Variants in LGR5 observed in about 807,000 individuals in gnomAD.
The protein encoded by LGR5 is leucine-rich repeat-containing G protein-coupled receptor 5.
Under a neutral mutation model 76.7 loss-of-function variants are expected in LGR5, and 54 were observed. That is an observed-to-expected ratio of 0.70 (90% CI 0.57 to 0.88). The LOEUF is 0.88. Among genes scored for constraint, LGR5 ranks in the 40% least tolerant of loss-of-function variants. The pLI, the probability that LGR5 is intolerant of heterozygous loss-of-function variation, is 0.00. For synonymous variants in LGR5, 406 were observed against 421.9 expected (o/e 0.96, Z 0.46); for missense variants, 1,078 against 1,073.3 (o/e 1.00, Z -0.06).
intron 5 of LGR5, among the ~76,000 whole-genome samples, chr12:71,554,136 G>C (rs1276204629): frequency 6.6e-6 from 1 of 152,142 alleles, no homozygotes; most frequent in African/African-American, 2.4e-5. Flanking sequence ...TGGAAGACTA[G>C]AGTTTTATTA....
intron 1 of LGR5, among the ~76,000 whole-genome samples, chr12:71,484,901 C>G (rs999945715): frequency 6.6e-6 from 1 of 152,154 alleles, no homozygotes; most frequent in South Asian, 2.1e-4. Context: ...AGTGTCTCTT[C>G]GAAGTTCCCA....
chr12:71,553,816 C>T (rs891947994), intron 5 of LGR5, among the ~76,000 whole-genome samples: 4 of 152,172 alleles, frequency 2.6e-5, no homozygotes, highest in African/African-American at 9.7e-5. Context: ...ACAAGGCCGG[C>T]ACAGTGGCTC....
chr12:71,546,696 C>T (rs1877185140), intron 4 of LGR5, among the ~76,000 whole-genome samples: 1 of 152,166 alleles, frequency 6.6e-6, no homozygotes, highest in African/African-American at 2.4e-5. Flanking sequence ...GGCCCTCCTA[C>T]ACACTGCTAT....
At chr12:71,467,688 A>G (rs1872921265) in intron 1 of LGR5, among the ~76,000 whole-genome samples, 1 of 152,206 alleles carries the variant, frequency 6.6e-6, no homozygotes. Flanking sequence ...CAGTGGACAA[A>G]CAATGCCGAT....
intron 6 of LGR5, among the ~76,000 whole-genome samples, chr12:71,559,296 C>T (rs917614373): frequency 6.6e-6 from 1 of 152,162 alleles, no homozygotes; most frequent in African/African-American, 2.4e-5. Context: ...GACATCTCTC[C>T]TACTTAGAAG....
chr12:71,495,591 T>C (rs1242391054), intron 1 of LGR5, among the ~76,000 whole-genome samples: 4 of 151,298 alleles, frequency 2.6e-5, no homozygotes, highest in Non-Finnish European at 5.9e-5. Flanking sequence ...CTCATAACAA[T>C]TTTATGAAGT....
At chr12:71,462,298 G>C (rs1181443599) in intron 1 of LGR5, among the ~76,000 whole-genome samples, 1 of 152,058 alleles carries the variant, frequency 6.6e-6, no homozygotes, top group Non-Finnish European at 1.5e-5. Context: ...CTGTCAACTA[G>C]GCCTCTGAAT....
In LGR5 at chr12:71,440,336, G is replaced by A. The variant is rs1411896456; in HGVS notation, c.212+44G>A. 1 of 1,578,530 alleles carries A rather than the reference G, an allele frequency of 6.3e-7. No individual in the cohort carries two copies. The highest frequency in any genetic ancestry group is 1.7e-5 in the Admixed American group (1 of 59,764). On this transcript the variant is annotated intron_variant, in intron 1 of 17. Transcript: ENST00000266674. The surrounding 1 kb of genome is among the most constrained non-coding windows in gnomAD (Gnocchi z 5.3). ...CACTCCGGGAGAGAGACTAAGAGGG[G>A]AAGGAAGGTTCGTCCAAGGCGAGGC... is the stretch of plus-strand genomic sequence containing the variant.
At position 71,566,704 on chromosome 12, in the gene LGR5, A is replaced by C. The variant is rs1269075336; in HGVS notation, c.998+4A>C. On this transcript the variant is annotated splice_donor_region_variant and intron_variant, in intron 10 of 17. Transcript: ENST00000266674. ...GAACTGCAAACCTGGAGAGTCTGTA[A>C]GTACTGAGTAGACTCTTGACTTTGC... The C allele has an allele frequency of 6.2e-7, 1 of 1,609,802 alleles. No individual in the cohort carries two copies. Among genetic ancestry groups the C allele is most frequent in the Admixed American group, 1.7e-5 (1 of 59,996 alleles).
chr12:71,473,262 AATAAGTGAATGAATT>A (rs2137246445), intron 1 of LGR5, among the ~76,000 whole-genome samples: 1 of 152,314 alleles, frequency 6.6e-6, no homozygotes, highest in African/African-American at 2.4e-5. Flanking sequence ...TGAGTGAATA[AATAAGTGAATGAATT>A]ATGATTTGGG....
At chr12:71,558,933 G>A (rs190580003) in intron 6 of LGR5, among the ~76,000 whole-genome samples, 1 of 152,188 alleles carries the variant, frequency 6.6e-6, no homozygotes, top group African/African-American at 2.4e-5. Context: ...GGCCTTGAGG[G>A]ATAACATAGA....
intron 1 of LGR5, among the ~76,000 whole-genome samples, chr12:71,495,043 A>G (rs906164600): frequency 6.7e-6 from 1 of 149,594 alleles, no homozygotes; most frequent in Non-Finnish European, 1.5e-5. Flanking sequence ...TCCTTGATAC[A>G]CCCGGTGGCA....
intron 2 of LGR5, 51 bp downstream of exon 2, chr12:71,504,736 T>C (rs79673104): frequency 0.054 from 74,146 of 1,382,302 alleles, 2,386 homozygotes; most frequent in Middle Eastern, 0.14. Context: ...GGCACATTCT[T>C]GTGTTTGTCT....
intron 3 of LGR5, among the ~76,000 whole-genome samples, chr12:71,529,575 C>T (rs572765984): frequency 6.6e-6 from 1 of 152,290 alleles, no homozygotes; most frequent in South Asian, 2.1e-4. Flanking sequence ...TAGTATCCAT[C>T]TAGATCTCTA....
intron 4 of LGR5, among the ~76,000 whole-genome samples, chr12:71,537,626 T>TA (rs1481535094): frequency 6.6e-6 from 1 of 152,236 alleles, no homozygotes; most frequent in Non-Finnish European, 1.5e-5. Context: ...TGTGCCCCTT[T>TA]AAAGTTCTAT....
At chr12:71,450,865 G>T (rs970506229) in intron 1 of LGR5, among the ~76,000 whole-genome samples, 1 of 152,004 alleles carries the variant, frequency 6.6e-6, no homozygotes, top group Non-Finnish European at 1.5e-5. Flanking sequence ...TGCACCTCTG[G>T]TCATGTCTTA....
At chr12:71,572,091 T>C (rs1384796755) in intron 12 of LGR5, among the ~76,000 whole-genome samples, 1 of 151,786 alleles carries the variant, frequency 6.6e-6, no homozygotes. Flanking sequence ...GCCTTTTTTT[T>C]TTTTTTTCTC....
At chr12:71,552,942 T>A in intron 4 of LGR5, 131 bp from the exon 5 acceptor site, 1 of 682,866 alleles carries the variant, frequency 1.5e-6, no homozygotes, top group Non-Finnish European at 2.5e-6. Context: ...ATGCTCCAGA[T>A]GTCAGGGCTC....
chr12:71,535,867 T>C lies in LGR5; in HGVS notation c.428+681T>C, dbSNP rs1198464498. Among the ~76,000 whole-genome samples the C allele has an allele frequency of 2.0e-5, 3 of 152,196 alleles. 1 individual carries two copies. Among genetic ancestry groups the C allele is most frequent in the Non-Finnish European group, 4.4e-5 (3 of 68,042 alleles). On this transcript the variant is annotated intron_variant, in intron 4 of 17. Coordinates refer to ENST00000266674, the MANE Select transcript of LGR5 (RefSeq NM_003667.4). The stretch of plus-strand genomic sequence containing the variant: ...TTCCATCAGGAGTTTCCTACCCCCC[T>C]ACACACACTGATTTAAAACTTCTGA...
Sources: gnomAD v4.1 joint callset for allele counts (sites outside exome capture counted in the v4.1 genomes callset) on GRCh38, gnomAD v4.1.1 for gene constraint, Gnocchi (gnomAD v3.1) non-coding constraint, MANE v1.5 for transcripts, NCBI Gene and HGNC (gene_info 2026-07-23, HGNC 2026-07-21) for gene names.